The following GPHN variants were observed in gnomAD, a reference collection of about 807,000 sequenced individuals.
The protein encoded by GPHN is gephyrin.
In GPHN, 17 loss-of-function variants were observed where a neutral mutation model predicts 95.5. That is an observed-to-expected ratio of 0.18 (90% CI 0.12 to 0.27). The LOEUF (loss-of-function observed/expected upper bound fraction) is 0.27. Among genes scored for constraint, GPHN ranks in the 10% least tolerant of loss-of-function variants. The pLI is 1.00. For missense variants in GPHN, 660 were observed against 978.1 expected, an observed-to-expected ratio of 0.67 and a Z score of 4.34; for synonymous variants, 320 against 322.5, an observed-to-expected ratio of 0.99 and a Z score of 0.08.
the GPHN span, chr14:67,388,418 G>T: frequency 1.4e-6 from 1 of 709,252 alleles, no homozygotes; most frequent in Non-Finnish European, 2.6e-6. Context: ...TGTAATAGAA[G>T]ATGAAGCTGA....
rs17103786 is a variant in GPHN at position 66,983,705 on chromosome 14, T to C, written c.963+18380T>C. ...TAATCTAGTTTTTACATTCAGAGTT[T>C]AGTGGTAACTGTCTTTTTTTCTTCT... On this transcript the variant is annotated intron_variant, in intron 9 of 22. Coordinates refer to ENST00000478722, the MANE Select transcript of GPHN (RefSeq NM_020806.5). 3.0e-3 allele frequency among the ~76,000 whole-genome samples: 457 copies of C among 152,342 alleles called. 3 individuals are homozygous for C. The highest frequency in any genetic ancestry group is 0.011 in the African/African-American group (439 of 41,576).
At chr14:66,862,971 G>A (rs2063085684) in intron 4 of GPHN, among the ~76,000 whole-genome samples, 1 of 152,074 alleles carries the variant, frequency 6.6e-6, no homozygotes, top group African/African-American at 2.4e-5. Flanking sequence ...GGAAGTCCCA[G>A]CTACAGCAGT....
the GPHN span, chr14:67,292,698 C>A: frequency 6.2e-7 from 1 of 1,613,450 alleles, no homozygotes; most frequent in Non-Finnish European, 8.5e-7. Context: ...TTATCTCCAA[C>A]GCACAAGATC....
chr14:66,777,083 TA>T (rs763738096), intron 3 of GPHN, among the ~76,000 whole-genome samples: 5,375 of 107,170 alleles, frequency 0.05, 105 homozygotes, highest in African/African-American at 0.054. Flanking sequence ...GCAAGACTAA[TA>T]AAAAAAAAAA....
chr14:67,727,467 A>C, the GPHN span: 1 of 371,238 alleles, frequency 2.7e-6, no homozygotes, highest in East Asian at 6.4e-5. Flanking sequence ...CAACAGACAG[A>C]GGCTTTTTGT....
intron 1 of GPHN, among the ~76,000 whole-genome samples, chr14:66,593,911 A>G (rs1404212327): frequency 1.3e-5 from 2 of 152,216 alleles, no homozygotes; most frequent in African/African-American, 4.8e-5. Flanking sequence ...ATAACCTTAT[A>G]TATAGAAAAG....
chr14:67,167,021 C>T (rs1034742096), intron 20 of GPHN, among the ~76,000 whole-genome samples: 4 of 152,120 alleles, frequency 2.6e-5, no homozygotes, highest in Non-Finnish European at 5.9e-5. Flanking sequence ...GTAGGCCATG[C>T]GTTTAAAGCC....
chr14:67,532,534 A>G, the GPHN span, among the ~76,000 whole-genome samples: 1 of 152,236 alleles, frequency 6.6e-6, no homozygotes, highest in Non-Finnish European at 1.5e-5. Flanking sequence ...GGGCACGCTG[A>G]TGACTGCCCT....
chr14:67,089,519 T>C (rs894540890), intron 12 of GPHN, among the ~76,000 whole-genome samples: 1 of 152,128 alleles, frequency 6.6e-6, no homozygotes, highest in African/African-American at 2.4e-5. Flanking sequence ...GGAATAAAAT[T>C]AAAACACTGT....
chr14:66,720,089 C>A (rs1378680691), intron 2 of GPHN, among the ~76,000 whole-genome samples: 3 of 152,112 alleles, frequency 2.0e-5, no homozygotes, highest in African/African-American at 7.2e-5. Flanking sequence ...TATTGTTTAT[C>A]TGCTCAATGG....
chr14:67,023,180 A>G (rs969944258), intron 9 of GPHN, among the ~76,000 whole-genome samples: 5 of 152,052 alleles, frequency 3.3e-5, no homozygotes, highest in Admixed American at 2.0e-4. Context: ...GGATTTCTCT[A>G]TTTTCCTCCC....
chr14:66,570,077 C>CA (rs2060620378), intron 1 of GPHN, among the ~76,000 whole-genome samples: 1 of 151,816 alleles, frequency 6.6e-6, no homozygotes, highest in African/African-American at 2.4e-5. Context: ...CATTTAACAA[C>CA]ATGGATGAAT....
At chr14:66,812,963 C>T (rs950982114) in intron 3 of GPHN, among the ~76,000 whole-genome samples, 3 of 152,086 alleles carry the variant, frequency 2.0e-5, no homozygotes, top group South Asian at 2.1e-4. Flanking sequence ...ATTATTTTAG[C>T]TTAGCATTTT....
At chr14:67,476,708 G>A in the GPHN span, among the ~76,000 whole-genome samples, 1 of 152,170 alleles carries the variant, frequency 6.6e-6, no homozygotes, top group Non-Finnish European at 1.5e-5. Flanking sequence ...ATATCCCAGG[G>A]CCAGTAAATG....
chr14:66,746,003 T>C (rs1595764657), intron 2 of GPHN, among the ~76,000 whole-genome samples: 1 of 152,094 alleles, frequency 6.6e-6, no homozygotes, highest in East Asian at 1.9e-4. Flanking sequence ...AAGTTGTGTA[T>C]GTCAATAATT....
At chr14:66,958,077 A>G (rs984206240) in intron 8 of GPHN, among the ~76,000 whole-genome samples, 1 of 152,184 alleles carries the variant, frequency 6.6e-6, no homozygotes, top group Non-Finnish European at 1.5e-5. Flanking sequence ...TGATCTAACT[A>G]GTTATTCTAA....
chr14:67,539,202 C>T, the GPHN span, among the ~76,000 whole-genome samples: 4 of 152,284 alleles, frequency 2.6e-5, no homozygotes, highest in African/African-American at 2.4e-5. Context: ...TGAAGCCTCC[C>T]GGCCTTCTCT....
At chr14:67,713,774 A>G in the GPHN span, among the ~76,000 whole-genome samples, 6 of 152,210 alleles carry the variant, frequency 3.9e-5, 1 homozygote, top group South Asian at 1.2e-3. Flanking sequence ...GGTTTTATAC[A>G]TTCTAGGGAT....
At chr14:67,165,837 G>A (rs891330243) in intron 20 of GPHN, among the ~76,000 whole-genome samples, 2 of 152,174 alleles carry the variant, frequency 1.3e-5, no homozygotes, top group Non-Finnish European at 2.9e-5. Context: ...TCAGATTATA[G>A]AAAGAGCAAA....
Sources: allele counts gnomAD v4.1 joint callset (sites outside exome capture counted in the v4.1 genomes callset), GRCh38; gene constraint gnomAD v4.1.1; transcripts MANE v1.5; gene names NCBI Gene and HGNC (gene_info 2026-07-23, HGNC 2026-07-21).